PIK3R3: variants seen among roughly 807,000 people sequenced by gnomAD.
PIK3R3 encodes phosphatidylinositol 3-kinase regulatory subunit gamma.
A neutral mutation model predicts 62.9 loss-of-function variants in PIK3R3; 64 were observed. That is an observed-to-expected ratio of 1.02 (90% CI 0.83 to 1.25). The LOEUF is 1.25. Among genes scored for constraint, PIK3R3 ranks in the 50% most tolerant of loss-of-function variants. PIK3R3 has a pLI of 0.00. For missense variants in PIK3R3, 614 were observed against 561.6 expected (o/e 1.09, Z -0.94); for synonymous variants, 165 against 189.0 (o/e 0.87, Z 1.04).
At chr1:46,146,731 A>G in the PIK3R3 span, among the ~76,000 whole-genome samples, 3 of 94,636 alleles carry the variant, frequency 3.2e-5, no homozygotes, top group African/African-American at 1.2e-4. Flanking sequence ...ACACACACAC[A>G]CACACACACA....
chr1:46,173,350 T>G, the PIK3R3 span, among the ~76,000 whole-genome samples: 1 of 152,260 alleles, frequency 6.6e-6, no homozygotes, highest in Non-Finnish European at 1.5e-5. Context: ...CACTGAGCTA[T>G]AATTCCTCTG....
chr1:46,170,816 T>C, the PIK3R3 span, among the ~76,000 whole-genome samples: 2 of 152,230 alleles, frequency 1.3e-5, no homozygotes, highest in Non-Finnish European at 2.9e-5. Context: ...AATCCTCTAG[T>C]TTAGACAGCC....
rs10649671 is a variant in PIK3R3, at chr1:46,054,397, C to CAAAAAA, written c.941+1392_941+1397dup. Among the ~76,000 whole-genome samples the CAAAAAA allele has an allele frequency of 7.6e-4, 61 of 79,922 alleles. 1 individual carries two copies. The highest frequency in any genetic ancestry group is 0.014 in the Middle Eastern group (2 of 144). The allele number at this position is 79,922 out of a possible 152,430, so 52.4% of individuals were successfully genotyped here. A position where few individuals can be genotyped will look rare whatever the true frequency, so the allele number is the denominator to read the frequency against. ...GGTGACACAGTGAGACTCCGCCTCA[C>CAAAAAA]AAAAAAAAAAAAAAAAAAAAAAAAT... On this transcript the variant is annotated intron_variant, in intron 7 of 9. Coordinates refer to ENST00000262741, the MANE Select transcript of PIK3R3 (RefSeq NM_003629.4).
chr1:46,081,843 A>G (rs1463531619), intron 1 of PIK3R3, among the ~76,000 whole-genome samples: 1 of 152,230 alleles, frequency 6.6e-6, no homozygotes, highest in South Asian at 2.1e-4. Flanking sequence ...GGAAGTGCTC[A>G]AAGAATGGGA....
At chr1:46,049,127 C>T (rs948143104) in intron 7 of PIK3R3, among the ~76,000 whole-genome samples, 2 of 149,244 alleles carry the variant, frequency 1.3e-5, no homozygotes, top group Admixed American at 6.7e-5. Context: ...TTGGCATGGT[C>T]TTGGACCCAT....
Position 46,101,119 on chromosome 1 carries a change from C to T in PIK3R3, c.107-20369G>A, listed in dbSNP as rs534825824. Among the ~76,000 whole-genome samples, 138 of 145,296 alleles carry T rather than the reference C, an allele frequency of 9.5e-4. 2 individuals carry two copies. In the South Asian group the frequency reaches 0.029, roughly 30 times the overall value. On this transcript the variant is annotated intron_variant, in intron 1 of 9. Coordinates refer to ENST00000262741, the MANE Select transcript of PIK3R3 (RefSeq NM_003629.4). The stretch of plus-strand genomic sequence containing the variant: ...CCCAGAAGGCAGAGGTTGCAGCAAG[C>T]TGAGATCACACCACTGCACTCCAGC...
At chr1:46,071,757 A>AGAGAGAGAGAGAGAGAGC (rs1230737377) in intron 3 of PIK3R3, among the ~76,000 whole-genome samples, 10 of 128,258 alleles carry the variant, frequency 7.8e-5, no homozygotes, top group African/African-American at 2.7e-4. Context: ...AGAGAGAGAG[A>AGAGAGAGAGAGAGAGAGC]GAGCGCGCGC....
At chr1:46,144,931 T>A in the PIK3R3 span, among the ~76,000 whole-genome samples, 7 of 151,594 alleles carry the variant, frequency 4.6e-5, no homozygotes, top group East Asian at 1.4e-3. Context: ...TGAGACCAAC[T>A]TGACCAACAT....
rs759299570 is a variant in PIK3R3 at position 46,043,281 on chromosome 1, G to A, written c.*392C>T. 26 of 244,602 alleles carry A rather than the reference G, an allele frequency of 1.1e-4. No individual in the cohort carries two copies. The highest frequency in any genetic ancestry group is 5.9e-4 in the South Asian group (4 of 6,754). 15.2% of individuals were successfully genotyped at this position (244,602 alleles called of 1,614,324 possible). A position where few individuals can be genotyped will look rare whatever the true frequency, so the allele number is the denominator to read the frequency against. The stretch of plus-strand genomic sequence containing the variant: ...AAAACACAACTCCCAGCAGAGCCAT[G>A]CCCCTGCTGCACTCTCAAGAGTTAG... On this transcript the variant is annotated 3_prime_UTR_variant, in exon 10 of 10. Transcript: ENST00000262741.
At chr1:46,121,411 CACA>C (rs776939930) in intron 1 of PIK3R3, among the ~76,000 whole-genome samples, 61 of 152,212 alleles carry the variant, frequency 4.0e-4, no homozygotes, top group African/African-American at 1.4e-3. Flanking sequence ...ATATTTCCAG[CACA>C]ACAATTCCTT....
the PIK3R3 span, among the ~76,000 whole-genome samples, chr1:46,139,311 T>C: frequency 6.6e-6 from 1 of 151,992 alleles, no homozygotes; most frequent in Non-Finnish European, 1.5e-5. Flanking sequence ...TTCTTTTTTT[T>C]TTTTTCTTTT....
the PIK3R3 span, among the ~76,000 whole-genome samples, chr1:46,159,736 C>G: frequency 2.8e-5 from 3 of 107,090 alleles, no homozygotes; most frequent in African/African-American, 3.5e-5. Flanking sequence ...CTATGAGTAC[C>G]ATACACACAC....
upstream of PIK3R3, among the ~76,000 whole-genome samples, chr1:46,136,029 C>CAA (rs552872602): frequency 3.5e-4 from 15 of 42,988 alleles, no homozygotes; most frequent in East Asian, 6.6e-4. Flanking sequence ...GACTCAGTCT[C>CAA]AAAAAAAAAA....
At chr1:46,057,304 T>C (rs573299783) in intron 6 of PIK3R3, 7 of 152,474 alleles carry the variant, frequency 4.6e-5, no homozygotes, top group Middle Eastern at 3.4e-3. Flanking sequence ...TTAAGCCTCT[T>C]CCTTTTGTAA....
chr1:46,132,264 T>G lies in PIK3R3; in HGVS notation c.-312A>C. ...CCAAAAATCCTTTCTACACAGTCGC[T>G]CTCCGGGGAGAAAAGCTCCCACCGC... On this transcript the variant is annotated 5_prime_UTR_variant, in exon 1 of 10. Transcript: ENST00000262741. 1 of 1,133,896 alleles carries G rather than the reference T, an allele frequency of 8.8e-7. No homozygotes were observed. Among genetic ancestry groups the G allele is most frequent in the Non-Finnish European group, 1.1e-6 (1 of 919,364 alleles). 70.2% of individuals were successfully genotyped at this position (1,133,896 alleles called of 1,614,324 possible).
intron 1 of PIK3R3, among the ~76,000 whole-genome samples, chr1:46,094,971 A>G (rs6675726): frequency 0.46 from 69,680 of 151,966 alleles, 16,123 homozygotes; most frequent in East Asian, 0.62. Flanking sequence ...GACACATATG[A>G]TATTTTCATA....
chr1:46,134,914 A>G (rs1394787431), upstream of PIK3R3, among the ~76,000 whole-genome samples: 1 of 152,232 alleles, frequency 6.6e-6, no homozygotes, highest in Non-Finnish European at 1.5e-5. Flanking sequence ...AGGCTGACAC[A>G]TGGAGTAAAG....
At chr1:46,138,065 T>C in the PIK3R3 span, among the ~76,000 whole-genome samples, 1 of 152,226 alleles carries the variant, frequency 6.6e-6, no homozygotes, top group East Asian at 1.9e-4. Context: ...GTGAATTGTT[T>C]GCAAAATTCC....
In PIK3R3 at chr1:46,042,450, G is replaced by A. The variant is rs1442401534; in HGVS notation, c.*1223C>T. On this transcript the variant is annotated 3_prime_UTR_variant, in exon 10 of 10. Transcript: ENST00000262741. This position sits in a 1 kb window ranked among gnomAD's most constrained non-coding sequence, Gnocchi z 4.3. ...CTGTATGGAAGCACATGTGTAATGTGGTGTGACTCTCACCCTGGACCACAG... is the reference window on the plus strand; with the variant it reads ...CTGTATGGAAGCACATGTGTAATGTAGTGTGACTCTCACCCTGGACCACAG... The A allele has an allele frequency of 4.4e-6, 1 of 225,208 alleles. No homozygotes were observed. The highest frequency in any genetic ancestry group is 2.2e-5 in the African/African-American group (1 of 44,846). 14.0% of individuals were successfully genotyped at this position (225,208 alleles called of 1,614,324 possible). A position where few individuals can be genotyped will look rare whatever the true frequency, so the allele number is the denominator to read the frequency against.
Sources: gnomAD v4.1 joint callset for allele counts (sites outside exome capture counted in the v4.1 genomes callset) on GRCh38, gnomAD v4.1.1 for gene constraint, Gnocchi (gnomAD v3.1) non-coding constraint, MANE v1.5 for transcripts, NCBI Gene and HGNC (gene_info 2026-07-23, HGNC 2026-07-21) for gene names.